Variants in KIAA0319 observed in about 807,000 individuals in gnomAD.
The protein encoded by KIAA0319 is dyslexia-associated protein KIAA0319.
A neutral mutation model predicts 108.4 loss-of-function variants in KIAA0319; 83 were observed. The observed-to-expected ratio is 0.77, with a 90% CI of 0.64 to 0.92. The LOEUF (loss-of-function observed/expected upper bound fraction) is 0.92, where lower values mean the gene tolerates loss of function less well. KIAA0319 is among the 40% of genes least tolerant of loss of function. KIAA0319 has a pLI of 0.00. For missense variants in KIAA0319, 1,195 were observed against 1,322.4 expected (o/e 0.90, Z 1.49); for synonymous variants, 484 against 510.4 (o/e 0.95, Z 0.70).
chr6:24,639,968 G>A (rs9356940), intron 1 of KIAA0319, among the ~76,000 whole-genome samples: 106,828 of 151,936 alleles, frequency 0.7, 38,132 homozygotes, highest in East Asian at 0.87. Context: ...AAATAATAAT[G>A]AAGTGAAAGA....
intron 14 of KIAA0319, among the ~76,000 whole-genome samples, chr6:24,565,308 C>A: frequency 6.7e-6 from 1 of 148,538 alleles, no homozygotes; most frequent in Non-Finnish European, 1.5e-5. Context: ...CTCCTTAGTA[C>A]ATCTCCAAGA....
chr6:24,579,957 C>CAA lies in KIAA0319; in HGVS notation c.1280-9_1280-8dup, dbSNP rs3215493. 142 of 1,566,230 alleles carry CAA rather than the reference C, an allele frequency of 9.1e-5. No homozygotes were observed. The highest frequency in any genetic ancestry group is 1.2e-4 in the East Asian group (5 of 42,406). ...GGCAGGTTGACTCTTCTGGCTGTAA[C>CAA]AAAAAAAAGGACAGTGACTGAGCCC... is the stretch of plus-strand genomic sequence containing the variant. On this transcript the variant is annotated splice_polypyrimidine_tract_variant and splice_region_variant and intron_variant, in intron 7 of 20. Coordinates refer to ENST00000378214, the MANE Select transcript of KIAA0319 (RefSeq NM_014809.4).
intron 3 of KIAA0319, among the ~76,000 whole-genome samples, chr6:24,594,628 C>CAA (rs35385464): frequency 4.3e-4 from 37 of 86,790 alleles, no homozygotes; most frequent in East Asian, 1.9e-3. Context: ...CTCTGTCTCA[C>CAA]AAAAAAAAAA....
intron 13 of KIAA0319, among the ~76,000 whole-genome samples, chr6:24,567,345 T>C (rs1051445454): frequency 2.0e-5 from 3 of 151,798 alleles, no homozygotes; most frequent in African/African-American, 7.3e-5. Flanking sequence ...CTATGAAAAA[T>C]TAAAAATTGA....
At chr6:24,629,528 A>AAAAAAAAAAAAG in intron 1 of KIAA0319, among the ~76,000 whole-genome samples, 1 of 148,712 alleles carries the variant, frequency 6.7e-6, no homozygotes, top group Non-Finnish European at 1.5e-5. Flanking sequence ...AAAAAAAAAA[A>AAAAAAAAAAAAG]AAAGAAAGAA....
Position 24,583,651 on chromosome 6 carries a change from T to A in KIAA0319, c.1046A>T (p.Asp349Val). 1 of 1,613,996 alleles carries A rather than the reference T, an allele frequency of 6.2e-7. No homozygotes were observed. The highest frequency in any genetic ancestry group is 8.5e-7 in the Non-Finnish European group (1 of 1,179,916). ...AGDNLIITLP[D>V]NEVELKAFVA... ...AAAGGCCTTCAGTTCAACTTCATTG[T>A]CGGGTAAAGTTATAATTAGGTTATC... is the stretch of plus-strand genomic sequence containing the variant. Residue 349 changes from aspartate (D) to valine (V), a missense_variant, in exon 5 of 21, where the codon GAC (aspartate) becomes GTC (valine). Transcript: ENST00000378214.
intron 1 of KIAA0319, among the ~76,000 whole-genome samples, chr6:24,638,675 G>T (rs540308391): frequency 1.9e-4 from 29 of 152,082 alleles, no homozygotes; most frequent in Non-Finnish European, 2.8e-4. Flanking sequence ...CAGGAGAATG[G>T]TGTGAACCTG....
chr6:24,570,354 C>A (rs1160893287), intron 11 of KIAA0319, among the ~76,000 whole-genome samples: 1 of 152,096 alleles, frequency 6.6e-6, no homozygotes, highest in African/African-American at 2.4e-5. Flanking sequence ...TTTGGGAGAA[C>A]GAGGCGGGCG....
intron 3 of KIAA0319, among the ~76,000 whole-genome samples, chr6:24,589,693 A>AACCAGTCTTAGGT (rs1392284599): frequency 1.3e-5 from 2 of 152,228 alleles, no homozygotes; most frequent in Non-Finnish European, 2.9e-5. Flanking sequence ...TTTGTAAATT[A>AACCAGTCTTAGGT]ACCAGTCTTA....
At chr6:24,633,577 T>C (rs1008557129) in intron 1 of KIAA0319, among the ~76,000 whole-genome samples, 4 of 151,890 alleles carry the variant, frequency 2.6e-5, no homozygotes, top group African/African-American at 9.7e-5. Flanking sequence ...CTGGCCAACA[T>C]AGTGAGATGC....
At chr6:24,572,337 A>T (rs1764838753) in intron 11 of KIAA0319, among the ~76,000 whole-genome samples, 1 of 152,218 alleles carries the variant, frequency 6.6e-6, no homozygotes, top group Admixed American at 6.5e-5. Context: ...GCACGTGTGG[A>T]AGCATCCACA....
At chr6:24,610,111 T>C (rs947913884) in intron 1 of KIAA0319, among the ~76,000 whole-genome samples, 2 of 152,158 alleles carry the variant, frequency 1.3e-5, no homozygotes, top group African/African-American at 2.4e-5. Flanking sequence ...TGAAAAACTT[T>C]TGTGCTTTTA....
At chr6:24,636,415 T>G (rs1433686701) in intron 1 of KIAA0319, among the ~76,000 whole-genome samples, 1 of 152,228 alleles carries the variant, frequency 6.6e-6, no homozygotes, top group African/African-American at 2.4e-5. Context: ...TTTCAATTTT[T>G]TTGCACCAAA....
intron 20 of KIAA0319, 34 bp from the exon 21 acceptor site, chr6:24,547,377 C>T (rs776318480): frequency 3.2e-6 from 5 of 1,584,442 alleles, no homozygotes; most frequent in South Asian, 2.2e-5. Flanking sequence ...TGAGGAGGAA[C>T]GCCGTGATTC....
chr6:24,572,908 G>A (rs1764929640), intron 10 of KIAA0319, among the ~76,000 whole-genome samples: 1 of 152,122 alleles, frequency 6.6e-6, no homozygotes, highest in African/African-American at 2.4e-5. Flanking sequence ...TTGAGGTCAG[G>A]AGTTCGAGAC....
chr6:24,609,471 G>A (rs1771987745), intron 1 of KIAA0319, among the ~76,000 whole-genome samples: 1 of 151,774 alleles, frequency 6.6e-6, no homozygotes, highest in Non-Finnish European at 1.5e-5. Context: ...CAGCTAATCA[G>A]GAGGCTGAGG....
chr6:24,573,127 G>A (rs1764969285), intron 10 of KIAA0319, among the ~76,000 whole-genome samples: 1 of 152,066 alleles, frequency 6.6e-6, no homozygotes, highest in Non-Finnish European at 1.5e-5. Context: ...AAATATGTTG[G>A]TCCCCAGGAA....
intron 2 of KIAA0319, chr6:24,598,267 G>T: frequency 1.6e-6 from 1 of 629,242 alleles, no homozygotes; most frequent in Non-Finnish European, 2.9e-6. Flanking sequence ...CCTTAAGCTG[G>T]AGGTGGACCC....
chr6:24,586,489 C>T (rs1767507539), intron 4 of KIAA0319, among the ~76,000 whole-genome samples: 1 of 152,160 alleles, frequency 6.6e-6, no homozygotes, highest in African/African-American at 2.4e-5. Context: ...AGATCCACAT[C>T]CATAGAGAAG....
Sources: gnomAD v4.1 joint callset for allele counts (sites outside exome capture counted in the v4.1 genomes callset) on GRCh38, gnomAD v4.1.1 for gene constraint, MANE v1.5 for transcripts, NCBI Gene and HGNC (gene_info 2026-07-23, HGNC 2026-07-21) for gene names.